Variants in OR56A3 observed in about 807,000 individuals in gnomAD.
OR56A3 encodes olfactory receptor 56A3.
Under a neutral mutation model 17.5 loss-of-function variants are expected in OR56A3, and 23 were observed. That is an observed-to-expected ratio of 1.32 (90% CI 0.95 to 1.87). The LOEUF (loss-of-function observed/expected upper bound fraction) is 1.87. Among genes scored for constraint, OR56A3 ranks in the 40% most tolerant of loss-of-function variants. OR56A3 has a pLI of 0.00. For missense variants in OR56A3, 366 were observed against 380.1 expected (o/e 0.96, Z 0.31); for synonymous variants, 175 against 150.6 (o/e 1.16, Z -1.19).
chr11:5,961,224 C>T, the OR56A3 span, among the ~76,000 whole-genome samples: 138 of 151,856 alleles, frequency 9.1e-4, 6 homozygotes, highest in East Asian at 0.025. Flanking sequence ...AGCCCCTCTT[C>T]CCCGGCCGCC....
chr11:6,015,799 T>C, the OR56A3 span, among the ~76,000 whole-genome samples: 1 of 152,210 alleles, frequency 6.6e-6, no homozygotes, highest in Non-Finnish European at 1.5e-5. Flanking sequence ...TGGAAGTAAC[T>C]TGTTTTTGAT....
At chr11:5,996,433 G>A in the OR56A3 span, among the ~76,000 whole-genome samples, 1 of 151,666 alleles carries the variant, frequency 6.6e-6, no homozygotes, top group South Asian at 2.1e-4. Flanking sequence ...GGACTTTCCA[G>A]TAACCTGTAG....
the OR56A3 span, among the ~76,000 whole-genome samples, chr11:5,963,566 G>A: frequency 1.3e-5 from 2 of 152,028 alleles, no homozygotes; most frequent in African/African-American, 2.4e-5. Flanking sequence ...AGACTTGCTA[G>A]ACATATTGGA....
chr11:6,009,571 CAT>C, the OR56A3 span, among the ~76,000 whole-genome samples: 6 of 152,264 alleles, frequency 3.9e-5, no homozygotes, highest in African/African-American at 9.6e-5. Context: ...CACACACACA[CAT>C]AATACATTAT....
chr11:5,947,813 A>C lies in OR56A3; in HGVS notation c.467A>C (p.Asn156Thr). The C allele has an allele frequency of 1.9e-6, 3 of 1,614,176 alleles. No individual in the cohort carries two copies. The highest frequency in any genetic ancestry group is 2.5e-6 in the Non-Finnish European group (3 of 1,180,038). Residue 156 changes from asparagine to threonine, a missense_variant, in exon 3 of 3, where the codon AAT (asparagine) becomes ACT (threonine). Transcript: ENST00000641160. ...VKAAMFILTR[N>T]VLMTLPIPIL... ...GCTGCCATGTTTATTTTGACCAGAA[A>C]TGTGCTTATGACTCTGCCCATCCCC...
chr11:5,948,527 G>T lies in OR56A3; in HGVS notation c.*233G>T, dbSNP rs1287509589. 8.3e-6 allele frequency: 4 copies of T among 479,234 alleles called. No individual in the cohort carries two copies. Among genetic ancestry groups the T allele is most frequent in the Non-Finnish European group, 1.1e-5 (3 of 271,922 alleles). The allele number at this position is 479,234 out of a possible 1,614,324, so 29.7% of individuals were successfully genotyped here. A position where few individuals can be genotyped will look rare whatever the true frequency, so the allele number is the denominator to read the frequency against. ...TATTCCATGCTTATAATCATATTTT[G>T]TCCAAAACACTGACATTCCTTAAAG... On this transcript the variant is annotated 3_prime_UTR_variant, in exon 3 of 3. Coordinates refer to ENST00000641160, the MANE Select transcript of OR56A3 (RefSeq NM_001003443.3).
the OR56A3 span, chr11:5,967,865 C>A: frequency 2.5e-6 from 4 of 1,571,952 alleles, no homozygotes; most frequent in African/African-American, 4.1e-5. Flanking sequence ...GGTCAGAGCC[C>A]AGCAGGGTCC....
chr11:5,948,543 T>C lies in OR56A3; in HGVS notation c.*249T>C, dbSNP rs554248018. The C allele has an allele frequency of 2.0e-5, 9 of 451,420 alleles. No homozygotes were observed. The highest frequency in any genetic ancestry group is 1.5e-4 in the Admixed American group (4 of 26,890). The allele number at this position is 451,420 out of a possible 1,614,324, so 28.0% of individuals were successfully genotyped here. On this transcript the variant is annotated 3_prime_UTR_variant, in exon 3 of 3. Transcript: ENST00000641160. ...TCATATTTTGTCCAAAACACTGACATTCCTTAAAGCAGATTTTAAAGTGAA... is the reference window on the plus strand; with the variant it reads ...TCATATTTTGTCCAAAACACTGACACTCCTTAAAGCAGATTTTAAAGTGAA...
At chr11:5,987,089 C>A in the OR56A3 span, 1 of 659,884 alleles carries the variant, frequency 1.5e-6, no homozygotes, top group East Asian at 2.7e-5. Context: ...GTGAGACATC[C>A]ACATGTCTGA....
the OR56A3 span, among the ~76,000 whole-genome samples, chr11:6,017,699 G>A: frequency 1.3e-5 from 2 of 152,108 alleles, no homozygotes; most frequent in Non-Finnish European, 2.9e-5. Flanking sequence ...AAAATGGCAG[G>A]AATAAGTTCT....
chr11:6,007,781 C>T, the OR56A3 span, among the ~76,000 whole-genome samples: 1 of 152,154 alleles, frequency 6.6e-6, no homozygotes, highest in African/African-American at 2.4e-5. Context: ...GAGGAACATT[C>T]CCACCAATGA....
chr11:5,968,411 G>A, the OR56A3 span: 2 of 1,610,544 alleles, frequency 1.2e-6, no homozygotes, highest in East Asian at 2.2e-5. Context: ...GAGACAGCCA[G>A]TGCTGCCAGC....
the OR56A3 span, among the ~76,000 whole-genome samples, chr11:6,012,302 T>C: frequency 1.5e-4 from 23 of 152,294 alleles, no homozygotes; most frequent in East Asian, 2.5e-3. Context: ...CTCACAAGTG[T>C]TTAGCTTCTA....
At chr11:6,021,060 G>A in the OR56A3 span, 1 of 152,006 alleles carries the variant, frequency 6.6e-6, no homozygotes, top group Non-Finnish European at 1.5e-5. Context: ...ACATCATTAA[G>A]TAGAAAAAGA....
the OR56A3 span, chr11:5,967,555 A>G: frequency 1.9e-6 from 3 of 1,551,400 alleles, no homozygotes; most frequent in Non-Finnish European, 2.6e-6. Flanking sequence ...TTTATTTTTT[A>G]CAACCTCCTC....
chr11:6,007,361 G>T, the OR56A3 span, among the ~76,000 whole-genome samples: 1 of 152,148 alleles, frequency 6.6e-6, no homozygotes, highest in African/African-American at 2.4e-5. Context: ...TTACAAGTAT[G>T]AATAAGTTCT....
the OR56A3 span, among the ~76,000 whole-genome samples, chr11:5,997,250 T>G: frequency 6.6e-6 from 1 of 152,206 alleles, no homozygotes; most frequent in Non-Finnish European, 1.5e-5. Context: ...ATCTGAATCT[T>G]CAACCCCAGA....
Position 5,942,269 on chromosome 11 carries a change from G to C in OR56A3, c.-419G>C, listed in dbSNP as rs1182708124. ...TATACAAAGATTAGCCAGAAGACTA[G>C]AGAGATCTCTGTCTTCAGTCCCTAT... is the stretch of plus-strand genomic sequence containing the variant. On this transcript the variant is annotated 5_prime_UTR_variant, in exon 1 of 3. Transcript: ENST00000641160. 6.6e-6 allele frequency: 1 copy of C among 152,190 alleles called. No homozygotes were observed. The highest frequency in any genetic ancestry group is 1.5e-5 in the Non-Finnish European group (1 of 68,030). The allele number at this position is 152,190 out of a possible 1,614,324, so 9.4% of individuals were successfully genotyped here.
At chr11:5,961,025 G>C in the OR56A3 span, among the ~76,000 whole-genome samples, 1 of 150,806 alleles carries the variant, frequency 6.6e-6, no homozygotes, top group Non-Finnish European at 1.5e-5. Flanking sequence ...CCCTCCGCCC[G>C]GCAGCCGCCC....
Sources: allele counts gnomAD v4.1 joint callset (sites outside exome capture counted in the v4.1 genomes callset), GRCh38; gene constraint gnomAD v4.1.1; transcripts MANE v1.5; gene names NCBI Gene and HGNC (gene_info 2026-07-23, HGNC 2026-07-21).